The following MCM5 variants were observed in gnomAD, a reference collection of about 807,000 sequenced individuals.
MCM5 encodes minichromosome maintenance complex component 5.
A neutral mutation model predicts 79.9 loss-of-function variants in MCM5; 46 were observed. That is an observed-to-expected ratio of 0.58 (90% CI 0.45 to 0.74). MCM5 has a LOEUF of 0.74. Among genes scored for constraint, MCM5 ranks in the 30% least tolerant of loss-of-function variants. The pLI, the probability that MCM5 is intolerant of heterozygous loss-of-function variation, is 0.00. For synonymous variants in MCM5, 404 were observed against 390.5 expected (o/e 1.03, Z -0.41); for missense variants, 883 against 1,017.0 (o/e 0.87, Z 1.79).
At chr22:35,447,437 T>C in the MCM5 span, among the ~76,000 whole-genome samples, 1 of 144,802 alleles carries the variant, frequency 6.9e-6, no homozygotes, top group Non-Finnish European at 1.5e-5. Context: ...TATGGACTTT[T>C]TGTTGTTGTT....
intron 6 of MCM5, among the ~76,000 whole-genome samples, chr22:35,409,064 G>A (rs1269667195): frequency 6.6e-6 from 1 of 152,058 alleles, no homozygotes; most frequent in East Asian, 1.9e-4. Context: ...CTGGGTTAAT[G>A]CCATTCTCCG....
At chr22:35,433,931 A>G in the MCM5 span, among the ~76,000 whole-genome samples, 1 of 152,194 alleles carries the variant, frequency 6.6e-6, no homozygotes, top group East Asian at 1.9e-4. Context: ...CGTGCTGCAG[A>G]GGCTGGGAAA....
intron 2 of MCM5, among the ~76,000 whole-genome samples, chr22:35,402,718 A>G (rs1192660722): frequency 6.6e-6 from 1 of 151,902 alleles, no homozygotes; most frequent in African/African-American, 2.4e-5. Context: ...TAATCTTCGT[A>G]TTTTTAGTAG....
In MCM5 at chr22:35,403,325, C is replaced by A; in HGVS notation, c.286C>A (p.Leu96Met). The change falls in exon 3 of 17, where the codon CTG becomes ATG. Residue 96 changes from leucine (L) to methionine (M), a missense_variant. Leu to Met is a conservative substitution (Grantham distance 15, BLOSUM62 2). Coordinates refer to ENST00000216122, the MANE Select transcript of MCM5 (RefSeq NM_006739.4). ...CTTGTACAAGCAGCCAGCCGAGCAC[C>A]TGCAGCTGGTGAGTGGGACCCCATC... ...DYLYKQPAEHLQLLEEAAKEV... is the reference protein window; with the variant it reads ...DYLYKQPAEHMQLLEEAAKEV... The A allele has an allele frequency of 6.2e-7, 1 of 1,614,166 alleles. No individual in the cohort carries two copies. The highest frequency in any genetic ancestry group is 8.5e-7 in the Non-Finnish European group (1 of 1,180,028).
the MCM5 span, among the ~76,000 whole-genome samples, chr22:35,436,569 C>T: frequency 1.5e-3 from 224 of 152,322 alleles, 1 homozygote; most frequent in Non-Finnish European, 2.1e-3. Context: ...TCTCATGGGC[C>T]GGGGCTTCTG....
At chr22:35,419,835 C>CT (rs1932647694) in intron 13 of MCM5, 49 bp from the exon 14 acceptor site, 1 of 1,547,418 alleles carries the variant, frequency 6.5e-7, no homozygotes, top group East Asian at 2.4e-5. Context: ...GGTAGGTGCC[C>CT]TAAGAGTCCC....
At chr22:35,401,467 G>GTGAT (rs1298491213) in intron 2 of MCM5, 1 of 470,784 alleles carries the variant, frequency 2.1e-6, no homozygotes, top group Admixed American at 2.3e-5. Context: ...CTGCTTCTAG[G>GTGAT]TGATTGTACG....
At chr22:35,448,532 G>T in the MCM5 span, among the ~76,000 whole-genome samples, 1 of 152,186 alleles carries the variant, frequency 6.6e-6, no homozygotes, top group African/African-American at 2.4e-5. Context: ...CTGAAGTTCC[G>T]CAGTGCCCCA....
chr22:35,416,938 T>C lies in MCM5; in HGVS notation c.1590+124T>C, dbSNP rs144915913. The C allele has an allele frequency of 6.2e-6, 7 of 1,132,928 alleles. No individual in the cohort carries two copies. The Admixed American group carries it at 8.0e-5, about 13-fold the overall frequency. The allele number at this position is 1,132,928 out of a possible 1,614,324, so 70.2% of individuals were successfully genotyped here. A position where few individuals can be genotyped will look rare whatever the true frequency, so the allele number is the denominator to read the frequency against. ...AAGTCCTGACTGTCAGGCTGTGAAATTGGGGAGCACGTGAGAGGGCGGTTG... is the reference window on the plus strand; with the variant it reads ...AAGTCCTGACTGTCAGGCTGTGAAACTGGGGAGCACGTGAGAGGGCGGTTG... On this transcript the variant is annotated intron_variant, in intron 12 of 16. Transcript: ENST00000216122.
Position 35,413,867 on chromosome 22 carries a change from T to G in MCM5, c.1092-8T>G. On this transcript the variant is annotated splice_region_variant and splice_polypyrimidine_tract_variant and intron_variant, in intron 8 of 16. Transcript: ENST00000216122. ...TCTCACCTTGTCCATCTACCCTTCG[T>G]CCCCCAGGCTCCCTGATGGACTTAC... is the stretch of plus-strand genomic sequence containing the variant. 1 of 1,551,350 alleles carries G rather than the reference T, an allele frequency of 6.4e-7. No individual in the cohort carries two copies. The highest frequency in any genetic ancestry group is 8.9e-7 in the Non-Finnish European group (1 of 1,122,786).
intron 7 of MCM5, among the ~76,000 whole-genome samples, chr22:35,411,722 C>A (rs1932388421): frequency 1.3e-5 from 2 of 152,152 alleles, no homozygotes; most frequent in Non-Finnish European, 2.9e-5. Context: ...CACAAACTAC[C>A]TAGATTATTA....
the MCM5 span, among the ~76,000 whole-genome samples, chr22:35,433,020 A>G: frequency 6.6e-6 from 1 of 151,924 alleles, no homozygotes; most frequent in Non-Finnish European, 1.5e-5. Context: ...TTGCACCCTC[A>G]ACCTTGTGGG....
the MCM5 span, among the ~76,000 whole-genome samples, chr22:35,435,633 C>T: frequency 7.9e-5 from 12 of 152,160 alleles, no homozygotes; most frequent in Non-Finnish European, 1.8e-4. Context: ...GGGCTTGTCG[C>T]CTGAAGCCTT....
At chr22:35,432,112 CTAT>C in the MCM5 span, among the ~76,000 whole-genome samples, 1 of 152,220 alleles carries the variant, frequency 6.6e-6, no homozygotes. Flanking sequence ...CTATGGGTTT[CTAT>C]TATTATTGAT....
At position 35,400,160 on chromosome 22, in the gene MCM5, G is replaced by T. The variant is rs1569061750; in HGVS notation, c.-57G>T. ...TTTTCCCGCGAAACTCGGCGGCTGA[G>T]CGTGGAGGTTCTTGTCTCCCCTGGT... is the stretch of plus-strand genomic sequence containing the variant. On this transcript the variant is annotated 5_prime_UTR_variant, in exon 1 of 17. Coordinates refer to ENST00000216122, the MANE Select transcript of MCM5 (RefSeq NM_006739.4). The T allele has an allele frequency of 1.6e-5, 7 of 435,714 alleles. No homozygotes were observed. The highest frequency in any genetic ancestry group is 2.9e-5 in the Non-Finnish European group (7 of 237,676). The allele number at this position is 435,714 out of a possible 1,614,324, so 27.0% of individuals were successfully genotyped here.
chr22:35,401,618 CA>C (rs1375705674), intron 2 of MCM5: 1 of 471,096 alleles, frequency 2.1e-6, no homozygotes, highest in South Asian at 1.5e-5. Flanking sequence ...TGGGCCTCAC[CA>C]GGCCAGAAAT....
intron 4 of MCM5, among the ~76,000 whole-genome samples, chr22:35,406,307 C>G (rs1444798682): frequency 6.9e-6 from 1 of 144,352 alleles, no homozygotes; most frequent in African/African-American, 2.6e-5. Context: ...CCTCCCCCCC[C>G]AATTGTGCTG....
chr22:35,406,088 T>C (rs1325162964), intron 4 of MCM5, among the ~76,000 whole-genome samples: 8 of 151,816 alleles, frequency 5.3e-5, no homozygotes, highest in Admixed American at 5.2e-4. Context: ...ATGGGGAAAC[T>C]GAGGCTCAAA....
chr22:35,410,993 A>G (rs776327878), intron 7 of MCM5, 83 bp downstream of exon 7: 7 of 1,315,588 alleles, frequency 5.3e-6, no homozygotes, highest in Middle Eastern at 2.1e-4. Flanking sequence ...TCGTTACTTC[A>G]TGAGGTAGCC....
Sources: gnomAD v4.1 joint callset for allele counts (sites outside exome capture counted in the v4.1 genomes callset) on GRCh38, gnomAD v4.1.1 for gene constraint, MANE v1.5 for transcripts, NCBI Gene and HGNC (gene_info 2026-07-23, HGNC 2026-07-21) for gene names.